Variants in XPNPEP1 observed in about 807,000 individuals in gnomAD.
The protein encoded by XPNPEP1 is X-prolyl aminopeptidase 1.
XPNPEP1 carries 39 observed loss-of-function variants against 92.4 expected under a neutral mutation model. The observed-to-expected ratio is 0.42, with a 90% CI of 0.33 to 0.55. The LOEUF (loss-of-function observed/expected upper bound fraction) is 0.55, where lower values mean the gene tolerates loss of function less well. Among genes scored for constraint, XPNPEP1 ranks in the 20% least tolerant of loss-of-function variants. The pLI is 0.08. For missense variants in XPNPEP1, 654 were observed against 856.1 expected, an observed-to-expected ratio of 0.76 and a Z score of 2.95; for synonymous variants, 307 against 299.4, an observed-to-expected ratio of 1.03 and a Z score of -0.26.
chr10:109,888,653 A>C (rs1848538141), intron 5 of XPNPEP1, 58 bp from the exon 6 acceptor site: 8 of 1,369,472 alleles, frequency 5.8e-6, no homozygotes, highest in Non-Finnish European at 8.0e-6. Context: ...TCATTATCCC[A>C]CCAGAAAGAT....
In XPNPEP1 at chr10:109,898,773, A is replaced by G. The variant is rs565049451; in HGVS notation, c.247-5698T>C. ...TCCTGCAAGTTCTAGAGAGACACTAAAAGTTGAAGAGAGGGTGGTGACATG... is the reference window on the plus strand; with the variant it reads ...TCCTGCAAGTTCTAGAGAGACACTAGAAGTTGAAGAGAGGGTGGTGACATG... On this transcript the variant is annotated intron_variant, in intron 3 of 20. Coordinates refer to ENST00000502935, the MANE Select transcript of XPNPEP1 (RefSeq NM_020383.4). 2.0e-5 allele frequency among the ~76,000 whole-genome samples: 3 copies of G among 152,352 alleles called. No homozygotes were observed. The South Asian group carries it at 6.2e-4, about 32-fold the overall frequency.
At chr10:109,869,643 G>GAA (rs1847336672) in intron 19 of XPNPEP1, among the ~76,000 whole-genome samples, 10 of 152,180 alleles carry the variant, frequency 6.6e-5, no homozygotes, top group Non-Finnish European at 2.9e-5. Flanking sequence ...CAAATCATGT[G>GAA]AAGCAAGCAT....
Position 109,867,617 on chromosome 10 carries a change from G to T in XPNPEP1, c.1872+997C>A, listed in dbSNP as rs1254825595. On this transcript the variant is annotated intron_variant, in intron 20 of 20. Transcript: ENST00000502935. The surrounding 1 kb of genome is among the most constrained non-coding windows in gnomAD (Gnocchi z 4.5). Reference sequence around the variant, plus strand: ...GAAGGGAAGGTCCTTAACCCCCAAAGACCCTTTCCTTTACAGTGTCAAGAA... The same window carrying T: ...GAAGGGAAGGTCCTTAACCCCCAAATACCCTTTCCTTTACAGTGTCAAGAA... 6.6e-6 allele frequency among the ~76,000 whole-genome samples: 1 copy of T among 152,222 alleles called. No individual in the cohort carries two copies. The highest frequency in any genetic ancestry group is 2.4e-5 in the African/African-American group (1 of 41,456).
Position 109,878,280 on chromosome 10 carries a change from G to T in XPNPEP1, c.1183-222C>A, listed in dbSNP as rs941497624. ...TCATTTAATTTTTCACTCAACTATT[G>T]TGCTTCAGTATTTTATCCTAAAACC... On this transcript the variant is annotated intron_variant, in intron 12 of 20. Coordinates refer to ENST00000502935, the MANE Select transcript of XPNPEP1 (RefSeq NM_020383.4). 1.3e-5 allele frequency: 7 copies of T among 528,268 alleles called. No individual in the cohort carries two copies. In the African/African-American group the frequency reaches 1.3e-4, roughly 10 times the overall value. The allele number at this position is 528,268 out of a possible 1,614,324, so 32.7% of individuals were successfully genotyped here. A position where few individuals can be genotyped will look rare whatever the true frequency, so the allele number is the denominator to read the frequency against.
At chr10:109,866,761 G>A (rs954590015) in intron 20 of XPNPEP1, among the ~76,000 whole-genome samples, 2 of 152,172 alleles carry the variant, frequency 1.3e-5, no homozygotes, top group Non-Finnish European at 2.9e-5. Context: ...AATAGTAAAG[G>A]GCAAATGACC....
At chr10:109,920,177 G>C (rs952076863) in intron 1 of XPNPEP1, among the ~76,000 whole-genome samples, 1 of 152,156 alleles carries the variant, frequency 6.6e-6, no homozygotes, top group South Asian at 2.1e-4. Flanking sequence ...TAGGCAAATC[G>C]GTAAAGACAG....
In XPNPEP1 at chr10:109,865,069, A is replaced by C; in HGVS notation, c.*115T>G. On this transcript the variant is annotated 3_prime_UTR_variant, in exon 21 of 21. Transcript: ENST00000502935. ...GATTTTCTGTTCTTCTTAAAGTCTA[A>C]AGTAAAAAGGGGAGGTAGGGAAGAA... is the stretch of plus-strand genomic sequence containing the variant. 1 of 1,437,980 alleles carries C rather than the reference A, an allele frequency of 7.0e-7. No individual in the cohort carries two copies. The highest frequency in any genetic ancestry group is 9.5e-7 in the Non-Finnish European group (1 of 1,052,232). 89.1% of individuals were successfully genotyped at this position (1,437,980 alleles called of 1,614,324 possible). A position where few individuals can be genotyped will look rare whatever the true frequency, so the allele number is the denominator to read the frequency against.
intron 5 of XPNPEP1, among the ~76,000 whole-genome samples, chr10:109,889,041 C>A (rs1171320385): frequency 6.6e-6 from 1 of 152,204 alleles, no homozygotes; most frequent in East Asian, 1.9e-4. Context: ...TGATAACATG[C>A]TCCCAGTGCC....
intron 7 of XPNPEP1, among the ~76,000 whole-genome samples, chr10:109,887,483 A>T (rs1289959489): frequency 6.6e-6 from 1 of 152,170 alleles, no homozygotes. Context: ...CTGTTTCTAC[A>T]GCAAGACGCC....
At chr10:109,865,970 G>C (rs891580238) in intron 20 of XPNPEP1, among the ~76,000 whole-genome samples, 1 of 152,200 alleles carries the variant, frequency 6.6e-6, no homozygotes, top group Non-Finnish European at 1.5e-5. Flanking sequence ...TGATCCACTA[G>C]ACATGATGGC....
At chr10:109,877,725 T>TC (rs1170297460) in intron 14 of XPNPEP1, 65 bp downstream of exon 14, 1 of 1,595,204 alleles carries the variant, frequency 6.3e-7, no homozygotes, top group Non-Finnish European at 8.6e-7. Context: ...ATAATGTCTC[T>TC]CCCCTGCTCA....
chr10:109,913,669 T>A (rs186127910), intron 2 of XPNPEP1, among the ~76,000 whole-genome samples: 1 of 152,310 alleles, frequency 6.6e-6, no homozygotes, highest in East Asian at 1.9e-4. Context: ...TCAAGGTCTA[T>A]GCAATTCCCA....
rs765142495 is a variant in XPNPEP1 at position 109,907,735 on chromosome 10, C to G, written c.202G>C (p.Glu68Gln). 4.3e-6 allele frequency: 7 copies of G among 1,614,220 alleles called. No individual in the cohort carries two copies. The highest frequency in any genetic ancestry group is 5.1e-6 in the Non-Finnish European group (6 of 1,180,048). ...GGGATGATGTAGGCCTGGATCGGTT[C>G]GGTCACATACTCAGAGTTCCTCATG... ...QAMRNSEYVT[E>Q]PIQAYIIPSG... Residue 68 changes from glutamate (E) to glutamine (Q), a missense_variant, in exon 3 of 21, where the codon GAA (glutamate) becomes CAA (glutamine). Physicochemically the swap from Glu to Gln is conservative, Grantham distance 29. Transcript: ENST00000502935.
chr10:109,879,337 C>T (rs978897804), intron 12 of XPNPEP1, among the ~76,000 whole-genome samples: 3 of 151,888 alleles, frequency 2.0e-5, no homozygotes, highest in Middle Eastern at 3.2e-3. Context: ...TTTGGGAGGC[C>T]GAGGTGGGTG....
At chr10:109,919,453 G>T (rs1434216469) in intron 1 of XPNPEP1, among the ~76,000 whole-genome samples, 1 of 152,120 alleles carries the variant, frequency 6.6e-6, no homozygotes, top group African/African-American at 2.4e-5. Context: ...CACTAGGAAG[G>T]TTATAATAAA....
intron 3 of XPNPEP1, among the ~76,000 whole-genome samples, chr10:109,899,605 C>G (rs1272580989): frequency 6.6e-6 from 1 of 152,192 alleles, no homozygotes; most frequent in Non-Finnish European, 1.5e-5. Context: ...AACCCCACCC[C>G]AAGAGAAAGC....
At chr10:109,875,445 G>T in intron 15 of XPNPEP1, 83 bp downstream of exon 15, 1 of 1,271,152 alleles carries the variant, frequency 7.9e-7, no homozygotes, top group Non-Finnish European at 1.1e-6. Flanking sequence ...CCAGCTGAGT[G>T]CTCTCAGCTG....
In XPNPEP1 at chr10:109,907,695, T is replaced by A. The variant is rs778204531; in HGVS notation, c.242A>T (p.His81Leu). 1.2e-6 allele frequency: 2 copies of A among 1,614,212 alleles called. No individual in the cohort carries two copies. Among genetic ancestry groups the A allele is most frequent in the Non-Finnish European group, 1.7e-6 (2 of 1,180,028 alleles). The stretch of plus-strand genomic sequence containing the variant: ...AGGCCCATTGCCATGCAGTACCTGA[T>A]GAGCATCTCCCGATGGGATGATGTA... ...QAYIIPSGDA[H>L]QSEYIAPCDC... The change falls in exon 3 of 21, where the codon CAT becomes CTT. Residue 81 changes from histidine to leucine, a missense_variant. By Grantham distance (99) the His-to-Leu change is moderately conservative (BLOSUM62 -3). Transcript: ENST00000502935.
In XPNPEP1 at chr10:109,898,493, T is replaced by G. The variant is rs11194906; in HGVS notation, c.247-5418A>C. On this transcript the variant is annotated intron_variant, in intron 3 of 20. Transcript: ENST00000502935. ...GTTTAAAGGATGCTCAGATGTGCCT[T>G]AGATCCATCAGACCAAGCTCAGAGG... Among the ~76,000 whole-genome samples the G allele has an allele frequency of 7.4e-3, 1,128 of 152,322 alleles. 16 individuals are homozygous for G. Among genetic ancestry groups the G allele is most frequent in the African/African-American group, 0.025 (1,054 of 41,568 alleles).
Sources: gnomAD v4.1 joint callset for allele counts (sites outside exome capture counted in the v4.1 genomes callset) on GRCh38, gnomAD v4.1.1 for gene constraint, Gnocchi (gnomAD v3.1) non-coding constraint, MANE v1.5 for transcripts, NCBI Gene and HGNC (gene_info 2026-07-23, HGNC 2026-07-21) for gene names.